Variants in CDAN1 observed in about 807,000 individuals in gnomAD.
The protein encoded by CDAN1 is codanin 1.
In CDAN1, 107 loss-of-function variants were observed where a neutral mutation model predicts 139.8. The ratio of observed to expected loss-of-function variants is 0.77; its 90% CI spans 0.65 to 0.90. CDAN1 has a LOEUF of 0.90. CDAN1 is among the 40% of genes least tolerant of loss of function. The pLI, the probability that CDAN1 is intolerant of heterozygous loss-of-function variation, is 0.00. For synonymous variants in CDAN1, 776 were observed against 660.6 expected, an observed-to-expected ratio of 1.17 and a Z score of -2.68; for missense variants, 1,667 against 1,575.7, an observed-to-expected ratio of 1.06 and a Z score of -0.98.
Position 42,724,636 on chromosome 15 carries a change from G to A in CDAN1, c.3559-20C>T, listed in dbSNP as rs768668105. On this transcript the variant is annotated intron_variant, in intron 27 of 27. Coordinates refer to ENST00000356231, the MANE Select transcript of CDAN1 (RefSeq NM_138477.4). ...AAAGTCCTGGAATACATAGAAAGATGAGGGAAAAGGCAGCATGTAATAATT... is the reference window on the plus strand; with the variant it reads ...AAAGTCCTGGAATACATAGAAAGATAAGGGAAAAGGCAGCATGTAATAATT... 3.6e-5 allele frequency: 56 copies of A among 1,551,694 alleles called. No homozygotes were observed. In the South Asian group the frequency reaches 4.2e-4, roughly 12 times the overall value.
chr15:42,735,403 G>A (rs770242350), intron 4 of CDAN1, 29 bp from the exon 5 acceptor site: 5 of 1,586,452 alleles, frequency 3.2e-6, no homozygotes, highest in African/African-American at 1.3e-5. Context: ...AAAGCCCATG[G>A]TATGGGCACC....
chr15:42,728,056 CAG>C (rs769707390), intron 21 of CDAN1, 23 bp from the exon 22 acceptor site: 6 of 1,612,546 alleles, frequency 3.7e-6, no homozygotes, highest in South Asian at 1.1e-5. Context: ...ACTACAGAGT[CAG>C]GGGCTAGGGG....
chr15:42,736,075 C>G lies in CDAN1; in HGVS notation c.573G>C (p.Thr191=), dbSNP rs1401031217. 1.9e-6 allele frequency: 3 copies of G among 1,614,032 alleles called. No homozygotes were observed. Among genetic ancestry groups the G allele is most frequent in the Non-Finnish European group, 2.5e-6 (3 of 1,180,014 alleles). Residue 191 remains threonine (T), a synonymous_variant, in exon 3 of 28, where the codon ACG becomes ACC. Transcript: ENST00000356231. The part of the protein sequence containing the change: ...VGSVPPGPTG[T]KPSRRINPTP... ...TTGGGTTGATCCTGCGAGAAGGCTT[C>G]GTCCTGCTGAGAGTAGCCACAGGTT...
chr15:42,729,178 G>GGGCCC, intron 18 of CDAN1, 51 bp downstream of exon 18: 1 of 1,027,958 alleles, frequency 9.7e-7, no homozygotes, highest in Non-Finnish European at 1.4e-6. Context: ...CCCTGTCCCC[G>GGGCCC]CCCCCAACCC....
Position 42,733,550 on chromosome 15 carries a change from C to CA in CDAN1, c.1368-365dup, listed in dbSNP as rs200113140. 6.0e-3 allele frequency among the ~76,000 whole-genome samples: 919 copies of CA among 152,300 alleles called. 12 individuals carry two copies. Among genetic ancestry groups the CA allele is most frequent in the African/African-American group, 0.021 (871 of 41,554 alleles). ...TCGGCCTCCTGAAGTGCTAGGATTA[C>CA]AGGCGTGAGCCACCACACCCGGCCA... On this transcript the variant is annotated intron_variant, in intron 8 of 27. Transcript: ENST00000356231.
intron 8 of CDAN1, among the ~76,000 whole-genome samples, chr15:42,733,583 C>T (rs137910232): frequency 1.1e-4 from 17 of 152,296 alleles, no homozygotes; most frequent in African/African-American, 3.6e-4. Context: ...CCAGCAGCCC[C>T]ATTTTTAAAT....
At position 42,731,317 on chromosome 15, in the gene CDAN1, T is replaced by C; in HGVS notation, c.1754A>G (p.Gln585Arg). The change falls in exon 12 of 28, where the codon CAG becomes CGG. Residue 585 changes from glutamine (Q) to arginine (R), a missense_variant. Physicochemically the swap from Gln to Arg is conservative, Grantham distance 43. Around this residue, in one of 3 missense-constraint regions of CDAN1, gnomAD observed 936 missense variants for 844.1 expected, o/e 1.11. Coordinates refer to ENST00000356231, the MANE Select transcript of CDAN1 (RefSeq NM_138477.4). ...CAAGCTCAGACTGTCCATGAGATGC[T>C]GGTTAAACTGGAAGCTGAGAAGAAG... ...ILSASSFQFN[Q>R]HLMDSLSLKI... is the part of the protein sequence containing the mutation. 2 of 1,613,924 alleles carry C rather than the reference T, an allele frequency of 1.2e-6. No individual in the cohort carries two copies. Among genetic ancestry groups the C allele is most frequent in the Non-Finnish European group, 1.7e-6 (2 of 1,180,022 alleles).
At chr15:42,736,873 C>T in intron 1 of CDAN1, 93 bp from the exon 2 acceptor site, 1 of 1,445,424 alleles carries the variant, frequency 6.9e-7, no homozygotes, top group Non-Finnish European at 9.1e-7. Flanking sequence ...CTCGGGTGGG[C>T]GGCCCGGGCA....
In CDAN1 at chr15:42,736,459, C is replaced by T; in HGVS notation, c.412G>A (p.Glu138Lys). The T allele has an allele frequency of 6.5e-7, 1 of 1,539,794 alleles. No individual in the cohort carries two copies. Among genetic ancestry groups the T allele is most frequent in the Non-Finnish European group, 8.7e-7 (1 of 1,146,792 alleles). Residue 138 changes from glutamate (E) to lysine (K), a missense_variant, in exon 2 of 28, where the codon GAG becomes AAG. Glu to Lys is a moderately conservative substitution (Grantham distance 56). This residue lies in a region of CDAN1 where 487 missense variants were observed against 422.2 expected (regional missense o/e 1.15). Coordinates refer to ENST00000356231, the MANE Select transcript of CDAN1 (RefSeq NM_138477.4). ...GGCAGGCTCTCCCCGCTGACCCCCT[C>T]CTCCAGGCCGCGGCCTCCACGCTCG... ...ARERGGRGLEEGVSGESLPGA... is the reference protein window; with the variant it reads ...ARERGGRGLEKGVSGESLPGA...
chr15:42,729,772 C>T (rs774273607), intron 16 of CDAN1, 24 bp downstream of exon 16: 1 of 1,608,872 alleles, frequency 6.2e-7, no homozygotes, highest in East Asian at 2.2e-5. Flanking sequence ...TTTCCCATGG[C>T]TCTGGCGGAA....
In CDAN1 at chr15:42,725,623, C is replaced by G; in HGVS notation, c.3316G>C (p.Glu1106Gln). Residue 1106 changes from glutamate (E) to glutamine (Q), a missense_variant, in exon 26 of 28, where the codon GAG (glutamate) becomes CAG (glutamine). Glu to Gln is a conservative substitution (Grantham distance 29). Coordinates refer to ENST00000356231, the MANE Select transcript of CDAN1 (RefSeq NM_138477.4). ...ILGPPAQYRL[E>Q]RGQARRLLHM... is the part of the protein sequence containing the mutation. ...AGAAGCCTTCGAGCCTGCCCTCTCT[C>G]CAGCCTGTACTGTGCCGGGGGCCCT... The G allele has an allele frequency of 6.2e-7, 1 of 1,614,138 alleles. No individual in the cohort carries two copies. Among genetic ancestry groups the G allele is most frequent in the Non-Finnish European group, 8.5e-7 (1 of 1,180,032 alleles).
At position 42,730,599 on chromosome 15, in the gene CDAN1, G is replaced by A. The variant is rs138334226; in HGVS notation, c.2173C>T (p.Arg725Trp). ...AAGCCTCAGCCTTGTTCCACTCACC[G>A]GTGCAGGCGCAGCAGGAGAGTGAAG... ...DIFTLLLRLH[R>W]SLVLSQESEG... Residue 725 changes from arginine to tryptophan, a missense_variant and splice_region_variant, in exon 14 of 28, where the codon CGG becomes TGG. Physicochemically the swap from Arg to Trp is moderately radical, Grantham distance 101. Coordinates refer to ENST00000356231, the MANE Select transcript of CDAN1 (RefSeq NM_138477.4). 9.0e-5 allele frequency: 145 copies of A among 1,613,950 alleles called. No individual in the cohort carries two copies. The highest frequency in any genetic ancestry group is 1.1e-4 in the Non-Finnish European group (125 of 1,179,946).
rs374597821 is a variant in CDAN1 at position 42,735,677 on chromosome 15, G to C, written c.776C>G (p.Ser259Cys). The C allele has an allele frequency of 6.2e-7, 1 of 1,613,970 alleles. No homozygotes were observed. Among genetic ancestry groups the C allele is most frequent in the Non-Finnish European group, 8.5e-7 (1 of 1,180,008 alleles). Reference protein sequence around the residue: ...EEREMLRKERSKQLQQSPTPT... With the variant: ...EEREMLRKERCKQLQQSPTPT... Reference sequence around the variant, plus strand: ...GGTAGGTGACTGCTGCAGCTGCTTAGAGCTATGGAATAAAGAAATTTCATG... The same window carrying C: ...GGTAGGTGACTGCTGCAGCTGCTTACAGCTATGGAATAAAGAAATTTCATG... Residue 259 changes from serine (S) to cysteine (C), a missense_variant and splice_region_variant, in exon 4 of 28, where the codon TCT becomes TGT. Ser to Cys is a moderately radical substitution (Grantham distance 112, BLOSUM62 -1). Coordinates refer to ENST00000356231, the MANE Select transcript of CDAN1 (RefSeq NM_138477.4).
At position 42,726,155 on chromosome 15, in the gene CDAN1, C is replaced by T. The variant is rs1196859058; in HGVS notation, c.3210G>A (p.Leu1070=). The change falls in exon 25 of 28, where the codon CTG becomes CTA. Residue 1070 remains leucine (L), a synonymous_variant. Transcript: ENST00000356231. The stretch of plus-strand genomic sequence containing the variant: ...CCAGATGCTGCTCAGCAGGTGGGCA[C>T]AGGAACTGCGGTTGGGGTGGGGGGG... ...LGQTLRCRQF[L]CPPAEQHLAK... 6.2e-7 allele frequency: 1 copy of T among 1,613,948 alleles called. No homozygotes were observed. Among genetic ancestry groups the T allele is most frequent in the Admixed American group, 1.7e-5 (1 of 59,992 alleles).
chr15:42,728,608 G>C, intron 20 of CDAN1, 44 bp downstream of exon 20: 1 of 1,611,762 alleles, frequency 6.2e-7, no homozygotes, highest in Non-Finnish European at 8.5e-7. Context: ...AAAGGACAGA[G>C]AAAGCCAAGA....
Position 42,736,702 on chromosome 15 carries a change from G to T in CDAN1, c.169C>A (p.Leu57Met). The change falls in exon 2 of 28, where the codon CTG (leucine) becomes ATG (methionine). Residue 57 changes from leucine (L) to methionine (M), a missense_variant. Physicochemically the swap from Leu to Met is conservative, Grantham distance 15 (BLOSUM62 2). Transcript: ENST00000356231. ...KEFVPFLLNFLREQSSRVLPQ... is the reference protein window; with the variant it reads ...KEFVPFLLNFMREQSSRVLPQ... Reference sequence around the variant, plus strand: ...AGGACGCGGCTGCTCTGCTCCCTCAGGAAGTTCAACAGGAACGGTACGAAT... The same window carrying T: ...AGGACGCGGCTGCTCTGCTCCCTCATGAAGTTCAACAGGAACGGTACGAAT... The T allele has an allele frequency of 6.4e-7, 1 of 1,557,848 alleles. No homozygotes were observed. Among genetic ancestry groups the T allele is most frequent in the Non-Finnish European group, 8.7e-7 (1 of 1,155,354 alleles).
chr15:42,728,954 T>C (rs1255392875), intron 19 of CDAN1, 69 bp downstream of exon 19: 1 of 1,584,186 alleles, frequency 6.3e-7, no homozygotes, highest in Non-Finnish European at 8.7e-7. Flanking sequence ...ACCTTCTCAG[T>C]TTAGCAACTG....
At position 42,732,314 on chromosome 15, in the gene CDAN1, C is replaced by T. The variant is rs374772929; in HGVS notation, c.1533+19G>A. ...TGCCTGCTGTTTAATGTGGATTAAT[C>T]TCTTGCTGGGGCTGTTACCTGGAGT... On this transcript the variant is annotated intron_variant, in intron 10 of 27. Transcript: ENST00000356231. 50 of 1,611,990 alleles carry T rather than the reference C, an allele frequency of 3.1e-5. No individual in the cohort carries two copies. The African/African-American group carries it at 6.0e-4, about 19-fold the overall frequency.
chr15:42,724,281 T>C lies in CDAN1; in HGVS notation c.*210A>G. 4.9e-6 allele frequency: 3 copies of C among 607,416 alleles called. No homozygotes were observed. The highest frequency in any genetic ancestry group is 5.8e-6 in the Non-Finnish European group (2 of 345,558). 37.6% of individuals were successfully genotyped at this position (607,416 alleles called of 1,614,324 possible). A position where few individuals can be genotyped will look rare whatever the true frequency, so the allele number is the denominator to read the frequency against. ...CTCCAGGACTGGCATCTCTGGACTT[T>C]TCTGCCATAATCCCAAATCAGGCCA... On this transcript the variant is annotated 3_prime_UTR_variant, in exon 28 of 28. Transcript: ENST00000356231.
Sources: gnomAD v4.1 joint callset for allele counts (sites outside exome capture counted in the v4.1 genomes callset) on GRCh38, gnomAD v4.1.1 for gene constraint, gnomAD v4.1.1 regional missense constraint, MANE v1.5 for transcripts, NCBI Gene and HGNC (gene_info 2026-07-23, HGNC 2026-07-21) for gene names.